The following PCDH9 variants were observed in gnomAD, a reference collection of about 807,000 sequenced individuals.
PCDH9 encodes protocadherin-9.
Under a neutral mutation model 70.6 loss-of-function variants are expected in PCDH9, and 24 were observed. That is an observed-to-expected ratio of 0.34 (90% confidence interval 0.25 to 0.48). The LOEUF (loss-of-function observed/expected upper bound fraction) is 0.48, where lower values mean the gene tolerates loss of function less well. PCDH9 is among the 20% of genes least tolerant of loss of function. The pLI, the probability that PCDH9 is intolerant of heterozygous loss-of-function variation, is 0.99. For synonymous variants in PCDH9, 562 were observed against 558.5 expected (o/e 1.01, Z -0.09); for missense variants, 1,281 against 1,503.6 (o/e 0.85, Z 2.45).
chr13:66,893,338 G>A (rs931955502), intron 3 of PCDH9, among the ~76,000 whole-genome samples: 23 of 152,062 alleles, frequency 1.5e-4, no homozygotes, highest in Admixed American at 5.2e-4. Flanking sequence ...TGAATCAGAG[G>A]GCTAGTCTCC....
chr13:66,833,904 TC>T (rs2080970524), intron 3 of PCDH9, among the ~76,000 whole-genome samples: 1 of 152,184 alleles, frequency 6.6e-6, no homozygotes, highest in Non-Finnish European at 1.5e-5. Context: ...AAATGACTTG[TC>T]TATGACCTGT....
intron 3 of PCDH9, among the ~76,000 whole-genome samples, chr13:66,718,384 A>T (rs2078898185): frequency 1.3e-5 from 2 of 152,140 alleles, no homozygotes; most frequent in South Asian, 2.1e-4. Context: ...TAAATAATTT[A>T]AAAATACTCA....
intron 3 of PCDH9, among the ~76,000 whole-genome samples, chr13:66,836,314 T>C (rs1351331079): frequency 6.6e-6 from 1 of 152,222 alleles, no homozygotes; most frequent in Non-Finnish European, 1.5e-5. Context: ...CAATAATCTT[T>C]ATGTTATCCA....
chr13:66,650,734 T>C (rs1185962660), intron 3 of PCDH9, among the ~76,000 whole-genome samples: 1 of 151,944 alleles, frequency 6.6e-6, no homozygotes, highest in Non-Finnish European at 1.5e-5. Context: ...AAATACACAT[T>C]ATTCTCCTCA....
chr13:66,984,956 GTTC>G (rs1284856236), intron 2 of PCDH9, among the ~76,000 whole-genome samples: 1 of 151,970 alleles, frequency 6.6e-6, no homozygotes, highest in Admixed American at 6.6e-5. Flanking sequence ...CTGTCTCCCA[GTTC>G]TTCTAAAATC....
intron 4 of PCDH9, among the ~76,000 whole-genome samples, chr13:66,611,862 T>C (rs1431559071): frequency 6.6e-6 from 1 of 152,182 alleles, no homozygotes; most frequent in Non-Finnish European, 1.5e-5. Context: ...TTACATGTGT[T>C]AACCCATTGC....
At chr13:66,324,230 G>A (rs1955803057) in intron 4 of PCDH9, among the ~76,000 whole-genome samples, 1 of 151,950 alleles carries the variant, frequency 6.6e-6, no homozygotes. Context: ...GAATACCTTA[G>A]GGGTCCTGCT....
At chr13:66,777,438 A>C (rs1233217429) in intron 3 of PCDH9, among the ~76,000 whole-genome samples, 1 of 152,132 alleles carries the variant, frequency 6.6e-6, no homozygotes, top group African/African-American at 2.4e-5. Flanking sequence ...TTACAAGAAA[A>C]AAACAAACAA....
At chr13:66,632,096 T>C (rs1417780961) in intron 3 of PCDH9, among the ~76,000 whole-genome samples, 1 of 152,186 alleles carries the variant, frequency 6.6e-6, no homozygotes, top group Non-Finnish European at 1.5e-5. Flanking sequence ...GGTTTCACCA[T>C]GTTGGCCAGG....
intron 2 of PCDH9, among the ~76,000 whole-genome samples, chr13:67,095,599 A>T (rs1566421684): frequency 6.6e-6 from 1 of 152,126 alleles, no homozygotes; most frequent in Non-Finnish European, 1.5e-5. Flanking sequence ...CTGCAGTTAC[A>T]TCAGTGTGAC....
intron 2 of PCDH9, among the ~76,000 whole-genome samples, chr13:67,138,284 T>C (rs2087285398): frequency 6.6e-6 from 1 of 152,194 alleles, no homozygotes; most frequent in Admixed American, 6.6e-5. Context: ...CTGGCCTGTT[T>C]AGAATATTAT....
intron 4 of PCDH9, among the ~76,000 whole-genome samples, chr13:66,343,970 A>G (rs920786779): frequency 6.6e-6 from 1 of 152,180 alleles, no homozygotes; most frequent in Non-Finnish European, 1.5e-5. Flanking sequence ...TATTTGTTTC[A>G]TGCAGGAACA....
At chr13:67,199,532 CA>C (rs1260772724) in intron 2 of PCDH9, among the ~76,000 whole-genome samples, 2 of 151,600 alleles carry the variant, frequency 1.3e-5, no homozygotes, top group Admixed American at 1.3e-4. Context: ...TGTGTTTTGA[CA>C]AAATATGTAC....
At chr13:66,797,958 G>T (rs896816505) in intron 3 of PCDH9, among the ~76,000 whole-genome samples, 4 of 124,322 alleles carry the variant, frequency 3.2e-5, no homozygotes, top group Non-Finnish European at 6.1e-5. Flanking sequence ...TGTTTCTTGG[G>T]GGGTGTGTGT....
At chr13:67,111,831 C>T (rs1446180013) in intron 2 of PCDH9, among the ~76,000 whole-genome samples, 1 of 152,052 alleles carries the variant, frequency 6.6e-6, no homozygotes, top group African/African-American at 2.4e-5. Context: ...GCTAATTAAG[C>T]CTCCTATGCC....
At position 67,194,248 on chromosome 13, in the gene PCDH9, A is replaced by G. The variant is rs746604174; in HGVS notation, c.3036+31157T>C. On this transcript the variant is annotated intron_variant, in intron 2 of 4. Coordinates refer to ENST00000377865, the MANE Select transcript of PCDH9 (RefSeq NM_203487.3). Reference sequence around the variant, plus strand: ...CACTACAGAAATTATAAAACATTCAATGTTTCTCTGTTTTACTAATGTTGA... The same window carrying G: ...CACTACAGAAATTATAAAACATTCAGTGTTTCTCTGTTTTACTAATGTTGA... Among the ~76,000 whole-genome samples the G allele has an allele frequency of 2.6e-5, 4 of 152,116 alleles. No homozygotes were observed. The South Asian group carries it at 6.2e-4, about 24-fold the overall frequency.
intron 4 of PCDH9, among the ~76,000 whole-genome samples, chr13:66,342,596 G>T (rs113315002): frequency 0.014 from 2,072 of 152,032 alleles, 39 homozygotes; most frequent in African/African-American, 0.047. Context: ...AACCCTTTCA[G>T]TCTGTCTCCA....
intron 2 of PCDH9, among the ~76,000 whole-genome samples, chr13:67,173,182 CA>C (rs1401566286): frequency 1.3e-5 from 2 of 151,942 alleles, no homozygotes; most frequent in Admixed American, 6.6e-5. Context: ...AAAAATAAAG[CA>C]AGAGGAGGGA....
chr13:66,646,320 A>G (rs1323488367), intron 3 of PCDH9, among the ~76,000 whole-genome samples: 1 of 152,220 alleles, frequency 6.6e-6, no homozygotes, highest in Non-Finnish European at 1.5e-5. Context: ...TTCTTAATAT[A>G]GCTGGGATTT....
Sources: gnomAD v4.1 joint callset for allele counts (sites outside exome capture counted in the v4.1 genomes callset) on GRCh38, gnomAD v4.1.1 for gene constraint, MANE v1.5 for transcripts, NCBI Gene and HGNC (gene_info 2026-07-23, HGNC 2026-07-21) for gene names.